Variants in UST observed in about 807,000 individuals in gnomAD.
UST encodes the protein uronyl 2-sulfotransferase, also known as chondroitin sulfate 2-O-sulfotransferase.
UST carries 21 observed loss-of-function variants against 45.6 expected under a neutral mutation model. The observed-to-expected ratio is 0.46, with a 90% confidence interval of 0.33 to 0.66. UST has a LOEUF of 0.66. Ranked by LOEUF, UST falls within the 30% of genes least tolerant of loss-of-function variation. The pLI is 0.02. For missense variants in UST, 463 were observed against 512.4 expected, an observed-to-expected ratio of 0.90 and a Z score of 0.93; for synonymous variants, 215 against 200.6, an observed-to-expected ratio of 1.07 and a Z score of -0.61.
intron 2 of UST, among the ~76,000 whole-genome samples, chr6:148,932,034 C>G (rs992198324): frequency 2.0e-5 from 3 of 152,210 alleles, no homozygotes; most frequent in Admixed American, 2.0e-4. Flanking sequence ...GTCAAACATA[C>G]AAGTATTCCA....
chr6:148,977,362 T>C (rs922382995), intron 5 of UST, among the ~76,000 whole-genome samples: 3 of 152,090 alleles, frequency 2.0e-5, no homozygotes, highest in Non-Finnish European at 4.4e-5. Flanking sequence ...TACATTTTAT[T>C]ATCTGGCAGG....
chr6:148,878,270 G>C (rs1244885025), intron 1 of UST, among the ~76,000 whole-genome samples: 1 of 81,664 alleles, frequency 1.2e-5, no homozygotes, highest in African/African-American at 5.3e-5. Flanking sequence ...CGGAGATCGT[G>C]TATGAGTACG....
intron 2 of UST, among the ~76,000 whole-genome samples, chr6:148,901,154 A>G (rs886498752): frequency 3.9e-5 from 6 of 152,230 alleles, no homozygotes; most frequent in African/African-American, 1.4e-4. Context: ...GGGGACCATC[A>G]TTCTGCCTTC....
At chr6:148,921,625 C>T (rs1451970614) in intron 2 of UST, among the ~76,000 whole-genome samples, 1 of 152,222 alleles carries the variant, frequency 6.6e-6, no homozygotes, top group Non-Finnish European at 1.5e-5. Context: ...GGAATGCACA[C>T]ATCCCTGGGA....
intron 1 of UST, among the ~76,000 whole-genome samples, chr6:148,767,301 C>T (rs960844746): frequency 6.6e-6 from 1 of 152,154 alleles, no homozygotes; most frequent in African/African-American, 2.4e-5. Context: ...TTAAGTATTT[C>T]TTAAGTGAGA....
intron 1 of UST, among the ~76,000 whole-genome samples, chr6:148,840,126 G>C (rs1777861954): frequency 6.6e-6 from 1 of 152,164 alleles, no homozygotes; most frequent in African/African-American, 2.4e-5. Context: ...GAGGGCAAGA[G>C]GAACAAAAGG....
intron 2 of UST, among the ~76,000 whole-genome samples, chr6:148,936,289 G>C (rs1398449652): frequency 6.6e-6 from 1 of 152,150 alleles, no homozygotes; most frequent in Admixed American, 6.5e-5. Flanking sequence ...TTGTGGCTAG[G>C]GGGTGTTGAA....
chr6:148,925,743 A>G (rs1276024955), intron 2 of UST, among the ~76,000 whole-genome samples: 3 of 152,188 alleles, frequency 2.0e-5, no homozygotes, highest in Admixed American at 2.0e-4. Context: ...CTTGAGAGCA[A>G]CTCTCACAAC....
intron 1 of UST, among the ~76,000 whole-genome samples, chr6:148,830,579 G>T (rs1381393254): frequency 6.6e-6 from 1 of 152,202 alleles, no homozygotes; most frequent in Non-Finnish European, 1.5e-5. Context: ...TGAGACCTTA[G>T]AGGTTTTCTA....
In UST at chr6:148,747,040, G is replaced by C. The variant is rs1455725580; in HGVS notation, c.-391G>C. 1.3e-5 allele frequency among the ~76,000 whole-genome samples: 2 copies of C among 151,542 alleles called. No homozygotes were observed. Among genetic ancestry groups the C allele is most frequent in the African/African-American group, 2.4e-5 (1 of 41,302 alleles). On this transcript the variant is annotated 5_prime_UTR_variant, in exon 1 of 8. Coordinates refer to ENST00000367463, the MANE Select transcript of UST (RefSeq NM_005715.3). ...TCCCTGCCGTTTTTTAGAGAAGCCT[G>C]AACCGGGACAAAACACGCCGAGACC... is the stretch of plus-strand genomic sequence containing the variant.
chr6:148,925,249 G>T (rs1398012964), intron 2 of UST, among the ~76,000 whole-genome samples: 3 of 152,198 alleles, frequency 2.0e-5, no homozygotes, highest in Admixed American at 1.3e-4. Context: ...CATATAAGAT[G>T]AAGGCAGGAC....
chr6:149,046,698 A>G (rs933493423), intron 7 of UST, among the ~76,000 whole-genome samples: 1 of 152,256 alleles, frequency 6.6e-6, no homozygotes, highest in Non-Finnish European at 1.5e-5. Context: ...ACCGATGTAC[A>G]GTTTCCAAGG....
chr6:149,073,625 G>A (rs533454765), intron 7 of UST, among the ~76,000 whole-genome samples: 2 of 152,354 alleles, frequency 1.3e-5, no homozygotes, highest in East Asian at 3.9e-4. Context: ...TTGATAGCTT[G>A]TGCTTCGTCA....
At position 148,762,560 on chromosome 6, in the gene UST, C is replaced by T. The variant is rs1776241506; in HGVS notation, c.247+14883C>T. 4.0e-5 allele frequency among the ~76,000 whole-genome samples: 6 copies of T among 148,304 alleles called. No homozygotes were observed. The Admixed American group carries it at 4.1e-4, about 10-fold the overall frequency. Reference sequence around the variant, plus strand: ...CTTTTTTTTTTTTTTTTAATAGATGCAGGGAGTATAAGTGCATGCTTTTTA... The same window carrying T: ...CTTTTTTTTTTTTTTTTAATAGATGTAGGGAGTATAAGTGCATGCTTTTTA... On this transcript the variant is annotated intron_variant, in intron 1 of 7. Transcript: ENST00000367463.
intron 1 of UST, among the ~76,000 whole-genome samples, chr6:148,843,980 G>A (rs1777935792): frequency 6.6e-6 from 1 of 152,120 alleles, no homozygotes; most frequent in Admixed American, 6.5e-5. Context: ...AGTAACTTTG[G>A]TTAAAAAGGT....
At chr6:148,927,508 C>T (rs1290095598) in intron 2 of UST, among the ~76,000 whole-genome samples, 4 of 152,154 alleles carry the variant, frequency 2.6e-5, no homozygotes, top group Non-Finnish European at 4.4e-5. Flanking sequence ...AGTACCAGCT[C>T]TGGAATAGAC....
chr6:149,073,840 G>C lies in UST; in HGVS notation c.945G>C (p.Arg315Ser). ...VLSIYKDPEH[R>S]KLGNMTVTVK... ...ACCCCGGTTCTCTTCCAGAGCACAG[G>C]AAGCTTGGAAACATGACTGTGACGG... The change falls in exon 8 of 8, where the codon AGG becomes AGC. Residue 315 changes from arginine to serine, a missense_variant. Around this residue, in one of 2 missense-constraint regions of UST, gnomAD observed 287 missense variants for 374.2 expected, o/e 0.77. Coordinates refer to ENST00000367463, the MANE Select transcript of UST (RefSeq NM_005715.3). The C allele has an allele frequency of 6.2e-7, 1 of 1,613,176 alleles. No homozygotes were observed. The highest frequency in any genetic ancestry group is 8.5e-7 in the Non-Finnish European group (1 of 1,179,162).
In UST at chr6:149,073,839, G is replaced by C. The variant is rs373613479; in HGVS notation, c.944G>C (p.Arg315Thr). 3 of 1,613,002 alleles carry C rather than the reference G, an allele frequency of 1.9e-6. No homozygotes were observed. The highest frequency in any genetic ancestry group is 2.5e-6 in the Non-Finnish European group (3 of 1,179,126). Reference sequence around the variant, plus strand: ...GACCCCGGTTCTCTTCCAGAGCACAGGAAGCTTGGAAACATGACTGTGACG... The same window carrying C: ...GACCCCGGTTCTCTTCCAGAGCACACGAAGCTTGGAAACATGACTGTGACG... ...VLSIYKDPEH[R>T]KLGNMTVTVK... Residue 315 changes from arginine to threonine, a missense_variant, in exon 8 of 8, where the codon AGG (arginine) becomes ACG (threonine). By Grantham distance (71) the Arg-to-Thr change is moderately conservative. Coordinates refer to ENST00000367463, the MANE Select transcript of UST (RefSeq NM_005715.3).
chr6:148,882,773 G>A (rs1001258229), intron 1 of UST, among the ~76,000 whole-genome samples: 6 of 152,208 alleles, frequency 3.9e-5, no homozygotes, highest in African/African-American at 1.4e-4. Flanking sequence ...AGGGGCGCTT[G>A]TGAGGATTAG....
Sources: allele counts gnomAD v4.1 joint callset (sites outside exome capture counted in the v4.1 genomes callset), GRCh38; gene constraint gnomAD v4.1.1; regional missense constraint gnomAD v4.1.1; transcripts MANE v1.5; gene names NCBI Gene and HGNC (gene_info 2026-07-23, HGNC 2026-07-21).